STXBP6: variants seen among roughly 807,000 people sequenced by gnomAD.
The protein encoded by STXBP6 is syntaxin binding protein 6, also known as syntaxin-binding protein 6.
In STXBP6, 21 loss-of-function variants were observed where a neutral mutation model predicts 26.9. The ratio of observed to expected loss-of-function variants is 0.78; its 90% CI spans 0.55 to 1.12. The LOEUF is 1.12. Among genes scored for constraint, STXBP6 ranks in the 50% most tolerant of loss-of-function variants. The probability of loss-of-function intolerance (pLI) is 0.00; values close to 1 mark genes in which losing one functional copy is unlikely to be tolerated. For missense variants in STXBP6, 232 were observed against 257.9 expected, an observed-to-expected ratio of 0.90 and a Z score of 0.69; for synonymous variants, 97 against 92.6, an observed-to-expected ratio of 1.05 and a Z score of -0.27.
chr14:24,941,823 CTG>C (rs1293929994), intron 2 of STXBP6, among the ~76,000 whole-genome samples: 1 of 152,228 alleles, frequency 6.6e-6, no homozygotes, highest in African/African-American at 2.4e-5. Context: ...CAGGGACCAC[CTG>C]TGTGAGAAAA....
intron 4 of STXBP6, among the ~76,000 whole-genome samples, chr14:24,838,637 T>C (rs1417763614): frequency 2.0e-5 from 3 of 151,470 alleles, no homozygotes; most frequent in African/African-American, 7.3e-5. Context: ...TGAGCCGAGA[T>C]CGCACCACTG....
chr14:24,848,304 T>G (rs2069031843), intron 4 of STXBP6, among the ~76,000 whole-genome samples: 1 of 152,122 alleles, frequency 6.6e-6, no homozygotes, highest in African/African-American at 2.4e-5. Context: ...GAGTATAACT[T>G]AAGCAGCTCA....
In STXBP6 at chr14:25,048,573, G is replaced by A. The variant is rs953243550; in HGVS notation, c.-33+1305C>T. On this transcript the variant is annotated intron_variant, in intron 1 of 5. Transcript: ENST00000323944. ...CCCTAAATCCTGGCACTTGAGCAGT[G>A]TGAGGGTGTCCCTTTAAGAACGTAA... 7.2e-5 allele frequency among the ~76,000 whole-genome samples: 11 copies of A among 152,302 alleles called. No homozygotes were observed. The East Asian group carries it at 1.9e-3, about 27-fold the overall frequency.
intron 4 of STXBP6, among the ~76,000 whole-genome samples, chr14:24,821,374 C>T (rs1306927282): frequency 6.6e-6 from 1 of 152,206 alleles, no homozygotes; most frequent in Non-Finnish European, 1.5e-5. Context: ...TACACATAAG[C>T]CTTGCTGCTT....
At chr14:24,978,880 T>C (rs1367376199) in intron 1 of STXBP6, among the ~76,000 whole-genome samples, 1 of 152,096 alleles carries the variant, frequency 6.6e-6, no homozygotes, top group Non-Finnish European at 1.5e-5. Context: ...AGAGAACAGG[T>C]AGATGAAGCG....
intron 1 of STXBP6, among the ~76,000 whole-genome samples, chr14:25,007,787 T>C (rs1270319012): frequency 1.3e-5 from 2 of 152,214 alleles, no homozygotes; most frequent in Non-Finnish European, 2.9e-5. Context: ...AAAGTTCCAG[T>C]ATATTCACAT....
chr14:25,001,462 G>C (rs1238602867), intron 1 of STXBP6, among the ~76,000 whole-genome samples: 1 of 152,206 alleles, frequency 6.6e-6, no homozygotes, highest in African/African-American at 2.4e-5. Context: ...GATAGCTTCA[G>C]AATAGGGGTT....
chr14:24,934,440 T>C (rs1208545578), intron 2 of STXBP6, among the ~76,000 whole-genome samples: 1 of 152,156 alleles, frequency 6.6e-6, no homozygotes, highest in African/African-American at 2.4e-5. Flanking sequence ...AACATTCTTG[T>C]TCAAAGTATA....
intron 2 of STXBP6, among the ~76,000 whole-genome samples, chr14:24,902,424 A>C (rs1475286891): frequency 2.0e-5 from 3 of 152,172 alleles, no homozygotes; most frequent in Non-Finnish European, 2.9e-5. Context: ...CTCGCTCTCC[A>C]AGTCATATGT....
In STXBP6 at chr14:24,893,900, T is replaced by A. The variant is rs992920240; in HGVS notation, c.155-36743A>T. On this transcript the variant is annotated intron_variant, in intron 2 of 5. Coordinates refer to ENST00000323944, the MANE Select transcript of STXBP6 (RefSeq NM_001394410.1). ...TCATTCCTCTTTTGGGTTAGTGGCATTTTATAAAAAGACCATATAACACAA... is the reference window on the plus strand; with the variant it reads ...TCATTCCTCTTTTGGGTTAGTGGCAATTTATAAAAAGACCATATAACACAA... Among the ~76,000 whole-genome samples the A allele has an allele frequency of 2.0e-5, 3 of 152,154 alleles. No homozygotes were observed. The East Asian group carries it at 5.8e-4, about 29-fold the overall frequency.
intron 2 of STXBP6, among the ~76,000 whole-genome samples, chr14:24,972,574 A>C (rs2073934223): frequency 2.6e-5 from 4 of 152,266 alleles, no homozygotes; most frequent in Admixed American, 2.6e-4. Flanking sequence ...GAGCTTAACA[A>C]AATTAGAATC....
chr14:24,964,647 C>CTGTGTGTGTGTGTGTGTGTGTGTGTGTG (rs34132743), intron 2 of STXBP6, among the ~76,000 whole-genome samples: 14 of 140,208 alleles, frequency 1.0e-4, no homozygotes, highest in African/African-American at 2.7e-4. Context: ...AGTTCTCATT[C>CTGTGTGTGTGTGTGTGTGTGTGTGTGTG]TGTGTGTGTG....
chr14:24,902,693 A>G (rs556309054), intron 2 of STXBP6, among the ~76,000 whole-genome samples: 3 of 152,306 alleles, frequency 2.0e-5, no homozygotes, highest in East Asian at 1.9e-4. Context: ...GTTGTAGTCA[A>G]TTAGGCCTAT....
At chr14:24,911,031 AT>A (rs1323417023) in intron 2 of STXBP6, among the ~76,000 whole-genome samples, 1 of 152,164 alleles carries the variant, frequency 6.6e-6, no homozygotes, top group Non-Finnish European at 1.5e-5. Flanking sequence ...CTATTTCATA[AT>A]TAAGAAAACA....
intron 2 of STXBP6, among the ~76,000 whole-genome samples, chr14:24,945,928 C>CA (rs1451410790): frequency 6.6e-6 from 1 of 152,060 alleles, no homozygotes; most frequent in Non-Finnish European, 1.5e-5. Context: ...CGGTTGAACT[C>CA]AAGAGAGTAG....
At position 24,857,155 on chromosome 14, in the gene STXBP6, T is replaced by C. The variant is rs1225411392; in HGVS notation, c.157A>G (p.Thr53Ala). 1 of 1,612,604 alleles carries C rather than the reference T, an allele frequency of 6.2e-7. No homozygotes were observed. Among genetic ancestry groups the C allele is most frequent in the East Asian group, 2.2e-5 (1 of 44,870 alleles). Reference sequence around the variant, plus strand: ...GACGCCTGTGTGGGTTTCTTGTTTGTCACTGCCAAGAAAAGATCACTCAGA... The same window carrying C: ...GACGCCTGTGTGGGTTTCTTGTTTGCCACTGCCAAGAAAAGATCACTCAGA... ...EYLTYICLSV[T>A]NKKPTQASIT... Residue 53 changes from threonine (T) to alanine (A), a missense_variant and splice_region_variant, in exon 3 of 6, where the codon ACA (threonine) becomes GCA (alanine). By Grantham distance (58) the Thr-to-Ala change is moderately conservative. Coordinates refer to ENST00000323944, the MANE Select transcript of STXBP6 (RefSeq NM_001394410.1).
chr14:25,014,313 G>A (rs2075099295), intron 1 of STXBP6, among the ~76,000 whole-genome samples: 2 of 152,084 alleles, frequency 1.3e-5, no homozygotes, highest in African/African-American at 4.8e-5. Flanking sequence ...TGGCCAACAT[G>A]GTGTAACCCC....
intron 1 of STXBP6, among the ~76,000 whole-genome samples, chr14:25,035,287 G>C (rs1485245920): frequency 2.6e-5 from 4 of 152,126 alleles, no homozygotes; most frequent in African/African-American, 9.7e-5. Flanking sequence ...CTACATCCTA[G>C]TTACATATCC....
At position 25,036,087 on chromosome 14, in the gene STXBP6, G is replaced by T. The variant is rs150315525; in HGVS notation, c.-33+13791C>A. ...ACAAAAAGTAGCCAGACATGGTGGC[G>T]TGTGCCTATAATCCCAGCTACTCAG... is the stretch of plus-strand genomic sequence containing the variant. On this transcript the variant is annotated intron_variant, in intron 1 of 5. Coordinates refer to ENST00000323944, the MANE Select transcript of STXBP6 (RefSeq NM_001394410.1). Among the ~76,000 whole-genome samples the T allele has an allele frequency of 3.1e-3, 472 of 151,986 alleles. 4 individuals carry two copies. The highest frequency in any genetic ancestry group is 0.011 in the African/African-American group (460 of 41,474).
Sources: gnomAD v4.1 joint callset for allele counts (sites outside exome capture counted in the v4.1 genomes callset) on GRCh38, gnomAD v4.1.1 for gene constraint, MANE v1.5 for transcripts, NCBI Gene and HGNC (gene_info 2026-07-23, HGNC 2026-07-21) for gene names.